The following VEGFC variants were observed in gnomAD, a reference collection of about 807,000 sequenced individuals.
VEGFC encodes FLT4 ligand DHM.
Under a neutral mutation model 46.1 loss-of-function variants are expected in VEGFC, and 12 were observed. The ratio of observed to expected loss-of-function variants is 0.26; its 90% confidence interval spans 0.17 to 0.42. The LOEUF (loss-of-function observed/expected upper bound fraction) is 0.42, where lower values mean the gene tolerates loss of function less well. VEGFC is among the 10% of genes least tolerant of loss of function. The probability of loss-of-function intolerance (pLI) is 1.00; values close to 1 mark genes in which losing one functional copy is unlikely to be tolerated. For synonymous variants in VEGFC, 232 were observed against 195.5 expected, an observed-to-expected ratio of 1.19 and a Z score of -1.56; for missense variants, 488 against 529.4, an observed-to-expected ratio of 0.92 and a Z score of 0.77.
intron 1 of VEGFC, among the ~76,000 whole-genome samples, chr4:176,740,023 G>A (rs1735132009): frequency 6.7e-5 from 1 of 14,876 alleles, no homozygotes; most frequent in African/African-American, 1.0e-4. Context: ...CTATATATTC[G>A]ATATATCGAA....
At chr4:176,721,922 GAGA>G (rs1734793641) in intron 3 of VEGFC, among the ~76,000 whole-genome samples, 1 of 152,138 alleles carries the variant, frequency 6.6e-6, no homozygotes, top group Non-Finnish European at 1.5e-5. Flanking sequence ...ACAGTCTGCA[GAGA>G]AGGTGTCTTA....
Position 176,684,105 on chromosome 4 carries a change from A to G in VEGFC, c.1146-65T>C, listed in dbSNP as rs548092735. On this transcript the variant is annotated intron_variant, in intron 6 of 6. Transcript: ENST00000618562. Reference sequence around the variant, plus strand: ...AGGCAATGGATTCATCATGCTACCAAGGTATTTCTGTGTTTTTAAATTTCA... The same window carrying G: ...AGGCAATGGATTCATCATGCTACCAGGGTATTTCTGTGTTTTTAAATTTCA... 960 of 1,169,444 alleles carry G rather than the reference A, an allele frequency of 8.2e-4. 3 individuals carry two copies. Among genetic ancestry groups the G allele is most frequent in the Non-Finnish European group, 1.1e-3 (834 of 790,574 alleles). The allele number at this position is 1,169,444 out of a possible 1,614,324, so 72.4% of individuals were successfully genotyped here. A position where few individuals can be genotyped will look rare whatever the true frequency, so the allele number is the denominator to read the frequency against.
At chr4:176,752,827 G>T (rs1735363117) in intron 1 of VEGFC, among the ~76,000 whole-genome samples, 1 of 152,000 alleles carries the variant, frequency 6.6e-6, no homozygotes, top group African/African-American at 2.4e-5. Context: ...CCACTGGCTA[G>T]GACACTTGGT....
At chr4:176,719,362 G>T (rs1734745891) in intron 3 of VEGFC, among the ~76,000 whole-genome samples, 2 of 151,714 alleles carry the variant, frequency 1.3e-5, no homozygotes, top group African/African-American at 2.4e-5. Context: ...TTTTATATTT[G>T]AAGGAAATCA....
At chr4:176,788,780 C>T (rs1051016493) in intron 1 of VEGFC, among the ~76,000 whole-genome samples, 2 of 152,068 alleles carry the variant, frequency 1.3e-5, no homozygotes, top group African/African-American at 4.8e-5. Context: ...TAGAACCATT[C>T]TAAGTCGGGG....
At chr4:176,786,176 T>C (rs181352475) in intron 1 of VEGFC, among the ~76,000 whole-genome samples, 293 of 152,268 alleles carry the variant, frequency 1.9e-3, no homozygotes, top group African/African-American at 6.7e-3. Flanking sequence ...TGTGCAACAA[T>C]GCCAGGTTAA....
chr4:176,771,690 C>A (rs1368804805), intron 1 of VEGFC, among the ~76,000 whole-genome samples: 1 of 152,182 alleles, frequency 6.6e-6, no homozygotes, highest in Non-Finnish European at 1.5e-5. Flanking sequence ...GTGCTGTGGA[C>A]ACGCCACTTG....
chr4:176,703,191 T>G (rs952318010), intron 4 of VEGFC, among the ~76,000 whole-genome samples: 5 of 152,108 alleles, frequency 3.3e-5, no homozygotes, highest in African/African-American at 1.2e-4. Context: ...GGAACTTTTT[T>G]GTTTTGTTTT....
rs1170212335 is a variant in VEGFC at position 176,694,187 on chromosome 4, A to G, written c.705-6260T>C. 2.6e-5 allele frequency among the ~76,000 whole-genome samples: 4 copies of G among 151,730 alleles called. No individual in the cohort carries two copies. The East Asian group carries it at 7.7e-4, about 29-fold the overall frequency. ...CCAATTAAAAGACACAGACTGGCAA[A>G]TTGGATAAAGAGTCAAGACCCATCA... On this transcript the variant is annotated intron_variant, in intron 4 of 6. Transcript: ENST00000618562.
At chr4:176,740,328 AATAT>A (rs1183675004) in intron 1 of VEGFC, among the ~76,000 whole-genome samples, 1 of 120,094 alleles carries the variant, frequency 8.3e-6, no homozygotes, top group African/African-American at 3.4e-5. Flanking sequence ...TTTATAAATA[AATAT>A]ATATAACTAT....
intron 3 of VEGFC, among the ~76,000 whole-genome samples, chr4:176,715,001 A>G (rs887982656): frequency 1.3e-5 from 2 of 152,222 alleles, no homozygotes; most frequent in South Asian, 4.1e-4. Flanking sequence ...CACTAAAACC[A>G]AATCACTGTT....
intron 4 of VEGFC, among the ~76,000 whole-genome samples, chr4:176,703,471 A>C (rs78737197): frequency 0.028 from 4,275 of 152,076 alleles, 200 homozygotes; most frequent in African/African-American, 0.098. Flanking sequence ...AGAGTCTGGG[A>C]AGTGTGGGTC....
intron 3 of VEGFC, among the ~76,000 whole-genome samples, chr4:176,718,183 A>G (rs1167157969): frequency 6.6e-6 from 1 of 152,134 alleles, no homozygotes; most frequent in African/African-American, 2.4e-5. Context: ...TGGTACTGGC[A>G]TAGAGTTCTT....
rs755922707 is a variant in VEGFC, at chr4:176,729,735, G to C, written c.159C>G (p.Ser53Arg). 6.3e-7 allele frequency: 1 copy of C among 1,590,504 alleles called. No homozygotes were observed. The highest frequency in any genetic ancestry group is 1.4e-5 in the African/African-American group (1 of 73,870). ...PDAGEATAYA[S>R]KDLEEQLRSV... is the part of the protein sequence containing the mutation. ...ACCGTAACTGCTCCTCCAGATCTTT[G>C]CTTGCATAAGCCTGTCAAAGAAAAA... The change falls in exon 2 of 7, where the codon AGC becomes AGG. Residue 53 changes from serine to arginine, a missense_variant. Ser to Arg is a moderately radical substitution (Grantham distance 110). Coordinates refer to ENST00000618562, the MANE Select transcript of VEGFC (RefSeq NM_005429.5).
intron 3 of VEGFC, among the ~76,000 whole-genome samples, chr4:176,722,501 T>TGG (rs1209169710): frequency 2.5e-4 from 30 of 121,952 alleles, no homozygotes; most frequent in African/African-American, 9.4e-4. Context: ...TTTTTTTTGT[T>TGG]TTTTTTTTTT....
chr4:176,759,738 T>TA (rs11398595), intron 1 of VEGFC, among the ~76,000 whole-genome samples: 106,354 of 150,886 alleles, frequency 0.7, 43,302 homozygotes, highest in East Asian at 0.93. Context: ...TTTTAAAAAG[T>TA]AAAAAAAAAT....
intron 3 of VEGFC, among the ~76,000 whole-genome samples, chr4:176,711,907 A>G (rs1734627003): frequency 1.3e-5 from 2 of 152,290 alleles, no homozygotes; most frequent in South Asian, 4.1e-4. Flanking sequence ...AGGATAACCA[A>G]CTAATTGGTT....
At chr4:176,710,329 G>A (rs1234143288) in intron 4 of VEGFC, among the ~76,000 whole-genome samples, 3 of 152,118 alleles carry the variant, frequency 2.0e-5, no homozygotes, top group Non-Finnish European at 4.4e-5. Context: ...TGCACATACG[G>A]CATCCTCTTG....
chr4:176,726,693 G>C (rs1158144039), intron 3 of VEGFC, among the ~76,000 whole-genome samples: 1 of 152,164 alleles, frequency 6.6e-6, no homozygotes, highest in Non-Finnish European at 1.5e-5. Context: ...ATGGAATTGA[G>C]ATAGTAATCT....
Sources: gnomAD v4.1 joint callset for allele counts (sites outside exome capture counted in the v4.1 genomes callset) on GRCh38, gnomAD v4.1.1 for gene constraint, MANE v1.5 for transcripts, NCBI Gene and HGNC (gene_info 2026-07-23, HGNC 2026-07-21) for gene names.